The following LRRTM4 variants were observed in gnomAD, a reference collection of about 807,000 sequenced individuals.
LRRTM4 encodes the protein leucine-rich repeat transmembrane neuronal protein 4.
LRRTM4 carries 25 observed loss-of-function variants against 47.6 expected under a neutral mutation model. The observed-to-expected ratio is 0.53, with a 90% CI of 0.38 to 0.73. The LOEUF (loss-of-function observed/expected upper bound fraction) is 0.73, where lower values mean the gene tolerates loss of function less well. Ranked by LOEUF, LRRTM4 falls within the 30% of genes least tolerant of loss-of-function variation. The pLI, the probability that LRRTM4 is intolerant of heterozygous loss-of-function variation, is 0.00. For synonymous variants in LRRTM4, 311 were observed against 269.5 expected, an observed-to-expected ratio of 1.15 and a Z score of -1.51; for missense variants, 638 against 713.4, an observed-to-expected ratio of 0.89 and a Z score of 1.20.
At chr2:77,287,853 G>C (rs1180193219) in intron 3 of LRRTM4, among the ~76,000 whole-genome samples, 2 of 152,108 alleles carry the variant, frequency 1.3e-5, no homozygotes, top group Non-Finnish European at 2.9e-5. Context: ...AAACAACATA[G>C]TATACATAGG....
At chr2:76,955,666 G>A (rs1169611914) in intron 3 of LRRTM4, among the ~76,000 whole-genome samples, 1 of 151,606 alleles carries the variant, frequency 6.6e-6, no homozygotes, top group Non-Finnish European at 1.5e-5. Flanking sequence ...AGGTCATGAG[G>A]GTGGAGCTCT....
intron 3 of LRRTM4, among the ~76,000 whole-genome samples, chr2:77,349,030 A>G (rs1671667542): frequency 6.6e-6 from 1 of 151,970 alleles, no homozygotes; most frequent in African/African-American, 2.4e-5. Flanking sequence ...ATTTCCAGTA[A>G]TATCAGGAGG....
intron 3 of LRRTM4, among the ~76,000 whole-genome samples, chr2:76,827,829 C>T (rs1332582172): frequency 6.6e-6 from 1 of 151,782 alleles, no homozygotes; most frequent in Non-Finnish European, 1.5e-5. Context: ...GCTATTTCTT[C>T]TAGGGAACTA....
At chr2:76,956,866 T>C (rs758191429) in intron 3 of LRRTM4, among the ~76,000 whole-genome samples, 5 of 151,500 alleles carry the variant, frequency 3.3e-5, no homozygotes, top group Non-Finnish European at 5.9e-5. Context: ...TCTAGAAACC[T>C]ACAAACCACC....
At chr2:77,074,134 A>AT (rs1680256088) in intron 3 of LRRTM4, among the ~76,000 whole-genome samples, 2 of 152,170 alleles carry the variant, frequency 1.3e-5, no homozygotes, top group South Asian at 4.1e-4. Context: ...CTTAATGGAT[A>AT]TTTTAACTGG....
chr2:77,408,341 A>G (rs751472247), intron 3 of LRRTM4, among the ~76,000 whole-genome samples: 2 of 152,238 alleles, frequency 1.3e-5, no homozygotes, highest in Admixed American at 6.5e-5. Flanking sequence ...TAATAGCTCA[A>G]TATTTATCAT....
intron 3 of LRRTM4, among the ~76,000 whole-genome samples, chr2:77,495,942 G>T (rs1036369417): frequency 4.6e-5 from 7 of 151,862 alleles, no homozygotes; most frequent in Non-Finnish European, 8.8e-5. Context: ...TTTGGTTAAG[G>T]TCATGTTGAA....
Position 77,223,891 on chromosome 2 carries a change from C to T in LRRTM4, c.1551+294427G>A, listed in dbSNP as rs553637432. Among the ~76,000 whole-genome samples, 33 of 152,228 alleles carry T rather than the reference C, an allele frequency of 2.2e-4. No homozygotes were observed. The South Asian group carries it at 3.1e-3, about 14-fold the overall frequency. ...GTTCATATGGAACCAAAAAAGAGCACGCATTGCCAAGACAATCCTAAGCCA... is the reference window on the plus strand; with the variant it reads ...GTTCATATGGAACCAAAAAAGAGCATGCATTGCCAAGACAATCCTAAGCCA... On this transcript the variant is annotated intron_variant, in intron 3 of 3. Coordinates refer to ENST00000409884, the MANE Select transcript of LRRTM4 (RefSeq NM_001134745.3).
At chr2:77,327,386 T>C (rs545051675) in intron 3 of LRRTM4, among the ~76,000 whole-genome samples, 2 of 152,194 alleles carry the variant, frequency 1.3e-5, no homozygotes, top group African/African-American at 2.4e-5. Flanking sequence ...TACGTGGGCA[T>C]AGAGTTCAGT....
At chr2:77,089,496 C>G (rs1680855294) in intron 3 of LRRTM4, among the ~76,000 whole-genome samples, 1 of 151,756 alleles carries the variant, frequency 6.6e-6, no homozygotes, top group Non-Finnish European at 1.5e-5. Flanking sequence ...TTCTGCGCCC[C>G]ATCCCTTATT....
intron 3 of LRRTM4, among the ~76,000 whole-genome samples, chr2:77,329,914 T>A (rs925703689): frequency 5.9e-5 from 9 of 152,270 alleles, no homozygotes; most frequent in African/African-American, 2.2e-4. Flanking sequence ...CCCATCAATA[T>A]AATCATGAGC....
In LRRTM4 at chr2:76,748,885, T is replaced by C; in HGVS notation, c.1583A>G (p.Tyr528Cys). 2 of 1,613,958 alleles carry C rather than the reference T, an allele frequency of 1.2e-6. No individual in the cohort carries two copies. Among genetic ancestry groups the C allele is most frequent in the Non-Finnish European group, 1.7e-6 (2 of 1,179,874 alleles). The change falls in exon 4 of 4, where the codon TAC becomes TGC. Residue 528 changes from tyrosine (Y) to cysteine (C), a missense_variant. Transcript: ENST00000409884. ...MPHHMKPLPY[Y>C]SYDQPVIGYC... ...CCCGATCACAGGCTGGTCATAGCTG[T>C]AATATGGCAAGGGCTTCATGTGGTG... is the stretch of plus-strand genomic sequence containing the variant.
chr2:77,151,184 C>T (rs1446249436), intron 3 of LRRTM4, among the ~76,000 whole-genome samples: 7 of 147,984 alleles, frequency 4.7e-5, no homozygotes, highest in African/African-American at 7.5e-5. Flanking sequence ...GAATACTTAA[C>T]ATGAGATCTA....
intron 3 of LRRTM4, among the ~76,000 whole-genome samples, chr2:77,041,672 T>A (rs921323869): frequency 6.6e-6 from 1 of 151,412 alleles, no homozygotes; most frequent in Non-Finnish European, 1.5e-5. Context: ...TACTTTTTCA[T>A]ACATCTGTTG....
In LRRTM4 at chr2:77,518,681, T is replaced by C. The variant is rs1352807204; in HGVS notation, c.1188A>G (p.Gln396=). The change falls in exon 3 of 4, where the codon CAA becomes CAG. Residue 396 remains glutamine (Q), a synonymous_variant. Transcript: ENST00000409884. Reference sequence around the variant, plus strand: ...AAGGGCTTGGTGTTTCAAAGGTGGATTGGGTGACGTCAGGTTTGAAGATGG... The same window carrying C: ...AAGGGCTTGGTGTTTCAAAGGTGGACTGGGTGACGTCAGGTTTGAAGATGG... The part of the protein sequence containing the change: ...RPTIFKPDVT[Q]STFETPSPSP... 2 of 1,613,260 alleles carry C rather than the reference T, an allele frequency of 1.2e-6. No individual in the cohort carries two copies. Among genetic ancestry groups the C allele is most frequent in the Admixed American group, 1.7e-5 (1 of 59,854 alleles).
Position 76,988,679 on chromosome 2 carries a change from C to G in LRRTM4, c.1552-239763G>C, listed in dbSNP as rs751365017. ...ACATTGCATATATTATAGTGAAACACCTTAAAAATTCTTATTAAATATTTC... is the reference window on the plus strand; with the variant it reads ...ACATTGCATATATTATAGTGAAACAGCTTAAAAATTCTTATTAAATATTTC... On this transcript the variant is annotated intron_variant, in intron 3 of 3. Transcript: ENST00000409884. Among the ~76,000 whole-genome samples, 3 of 151,820 alleles carry G rather than the reference C, an allele frequency of 2.0e-5. No homozygotes were observed. In the East Asian group the frequency reaches 5.8e-4, roughly 30 times the overall value.
intron 3 of LRRTM4, among the ~76,000 whole-genome samples, chr2:76,906,017 G>A (rs1243629706): frequency 6.6e-6 from 1 of 152,052 alleles, no homozygotes; most frequent in Non-Finnish European, 1.5e-5. Flanking sequence ...TACTCCTCGA[G>A]AAGAGCAACT....
At chr2:77,030,159 A>T (rs1678602676) in intron 3 of LRRTM4, among the ~76,000 whole-genome samples, 1 of 152,212 alleles carries the variant, frequency 6.6e-6, no homozygotes, top group Admixed American at 6.5e-5. Context: ...TAGGCCGGAC[A>T]TGGTGGCTCA....
intron 3 of LRRTM4, among the ~76,000 whole-genome samples, chr2:77,416,751 G>T (rs1440554556): frequency 6.6e-6 from 1 of 152,078 alleles, no homozygotes; most frequent in Non-Finnish European, 1.5e-5. Flanking sequence ...AAGATACTGT[G>T]TCAAAGAAAA....
Sources: gnomAD v4.1 joint callset for allele counts (sites outside exome capture counted in the v4.1 genomes callset) on GRCh38, gnomAD v4.1.1 for gene constraint, MANE v1.5 for transcripts, NCBI Gene and HGNC (gene_info 2026-07-23, HGNC 2026-07-21) for gene names.